LRIF1: variants seen among roughly 807,000 people sequenced by gnomAD.
LRIF1 encodes the protein ligand-dependent nuclear receptor-interacting factor 1.
Under a neutral mutation model 52.7 loss-of-function variants are expected in LRIF1, and 32 were observed. The ratio of observed to expected loss-of-function variants is 0.61; its 90% CI spans 0.46 to 0.82. The LOEUF (loss-of-function observed/expected upper bound fraction) is 0.82. LRIF1 is among the 40% of genes least tolerant of loss of function. The probability of loss-of-function intolerance (pLI) is 0.00; values close to 1 mark genes in which losing one functional copy is unlikely to be tolerated. For missense variants in LRIF1, 887 were observed against 892.0 expected (o/e 0.99, Z 0.07); for synonymous variants, 323 against 317.4 (o/e 1.02, Z -0.19).
chr1:110,888,908 A>G, the LRIF1 span, among the ~76,000 whole-genome samples: 2,427 of 152,332 alleles, frequency 0.016, 32 homozygotes, highest in Non-Finnish European at 0.025. Context: ...TGAATGTTTC[A>G]GCTTTTATGT....
chr1:110,944,050 T>G (rs564406107), downstream of LRIF1: 1 of 152,334 alleles, frequency 6.6e-6, no homozygotes, highest in South Asian at 2.1e-4. Flanking sequence ...AAAGGATCAC[T>G]CTGACTGTTT....
At chr1:110,887,415 C>A in the LRIF1 span, among the ~76,000 whole-genome samples, 2 of 152,242 alleles carry the variant, frequency 1.3e-5, no homozygotes, top group East Asian at 3.9e-4. Context: ...AATCTAACAC[C>A]TGGGTTGGTT....
intron 1 of LRIF1, among the ~76,000 whole-genome samples, chr1:110,962,245 C>T (rs1029458392): frequency 6.6e-6 from 1 of 151,994 alleles, no homozygotes; most frequent in African/African-American, 2.4e-5. Context: ...ATTCTACTTT[C>T]TCATATGTAC....
At position 110,962,680 on chromosome 1, in the gene LRIF1, T is replaced by C. The variant is rs185076168; in HGVS notation, c.68+941A>G. ...CTATTATTTACAGACTGGAAACAGG[T>C]ACCTGGCCTCACAAATGCTAACTAG... On this transcript the variant is annotated intron_variant, in intron 1 of 3. Coordinates refer to ENST00000369763, the MANE Select transcript of LRIF1 (RefSeq NM_018372.4). 5.3e-5 allele frequency among the ~76,000 whole-genome samples: 8 copies of C among 152,342 alleles called. No individual in the cohort carries two copies. In the East Asian group the frequency reaches 1.2e-3, roughly 22 times the overall value.
intron 1 of LRIF1, among the ~76,000 whole-genome samples, chr1:110,953,774 G>A (rs1658579634): frequency 6.6e-6 from 1 of 151,992 alleles, no homozygotes; most frequent in Admixed American, 6.6e-5. Context: ...ACTCTACCTA[G>A]GTACGCCTCA....
the LRIF1 span, among the ~76,000 whole-genome samples, chr1:110,926,184 A>G: frequency 6.6e-6 from 1 of 152,136 alleles, no homozygotes; most frequent in African/African-American, 2.4e-5. Flanking sequence ...AACTGGAAAT[A>G]GCCAATATAT....
At chr1:110,878,285 C>T in the LRIF1 span, among the ~76,000 whole-genome samples, 2 of 152,178 alleles carry the variant, frequency 1.3e-5, no homozygotes, top group African/African-American at 4.8e-5. Context: ...CAGATTTTCG[C>T]TCCTATTTAG....
At chr1:110,921,761 C>T in the LRIF1 span, among the ~76,000 whole-genome samples, 8 of 152,020 alleles carry the variant, frequency 5.3e-5, no homozygotes, top group Non-Finnish European at 1.2e-4. Flanking sequence ...AGACGTGCCT[C>T]CTAAAGTTCA....
downstream of LRIF1, among the ~76,000 whole-genome samples, chr1:110,942,674 G>A (rs1251599692): frequency 2.0e-5 from 3 of 152,072 alleles, no homozygotes; most frequent in East Asian, 5.8e-4. Flanking sequence ...CGAGACAAAG[G>A]AAAAATTAAG....
chr1:110,951,332 T>C lies in LRIF1; in HGVS notation c.1552A>G (p.Thr518Ala), dbSNP rs531252428. The C allele has an allele frequency of 1.1e-4, 179 of 1,614,080 alleles. No homozygotes were observed. In the South Asian group the frequency reaches 1.8e-3, roughly 17 times the overall value. The change falls in exon 2 of 4, where the codon ACT (threonine) becomes GCT (alanine). Residue 518 changes from threonine (T) to alanine (A), a missense_variant. By Grantham distance (58) the Thr-to-Ala change is moderately conservative (BLOSUM62 0). Coordinates refer to ENST00000369763, the MANE Select transcript of LRIF1 (RefSeq NM_018372.4). ...AAAACACACTGTTGTGAAGTAACAG[T>C]TGTTGCATCAACAGAGGAACTTATT... ...EKISSSVDAT[T>A]VTSQQCVFRD...
the LRIF1 span, among the ~76,000 whole-genome samples, chr1:110,883,658 A>G: frequency 6.6e-6 from 1 of 152,000 alleles, no homozygotes; most frequent in Non-Finnish European, 1.5e-5. Context: ...GAAATCATCA[A>G]TAAGACATCT....
At chr1:110,918,577 T>C in the LRIF1 span, among the ~76,000 whole-genome samples, 1 of 152,134 alleles carries the variant, frequency 6.6e-6, no homozygotes, top group Non-Finnish European at 1.5e-5. Context: ...CTGAAAATAA[T>C]AGAAATGAGG....
At position 110,950,133 on chromosome 1, in the gene LRIF1, GGAAAA is replaced by G. The variant is rs1393044366; in HGVS notation, c.1597-15_1597-11del. The stretch of plus-strand genomic sequence containing the variant: ...CCATCTCATTATGGATCTGGAATTA[GGAAAA>G]GAAAACACACAAACAATACTGCTAA... On this transcript the variant is annotated splice_polypyrimidine_tract_variant and intron_variant, in intron 2 of 3. Transcript: ENST00000369763. 2 of 1,595,586 alleles carry G rather than the reference GGAAAA, an allele frequency of 1.3e-6. No homozygotes were observed. The highest frequency in any genetic ancestry group is 1.7e-6 in the Non-Finnish European group (2 of 1,170,742).
the LRIF1 span, among the ~76,000 whole-genome samples, chr1:110,878,268 A>AT: frequency 6.6e-6 from 1 of 152,196 alleles, no homozygotes; most frequent in Non-Finnish European, 1.5e-5. Context: ...GGGAGCCCTC[A>AT]CTGGGGCAGA....
intron 3 of LRIF1, 129 bp from the exon 4 acceptor site, chr1:110,948,528 A>G (rs891005009): frequency 1.5e-6 from 2 of 1,337,682 alleles, no homozygotes; most frequent in African/African-American, 1.5e-5. Flanking sequence ...TTTATGGAAG[A>G]CAACTACAGC....
the LRIF1 span, among the ~76,000 whole-genome samples, chr1:110,922,637 T>A: frequency 6.6e-6 from 1 of 152,210 alleles, no homozygotes; most frequent in Non-Finnish European, 1.5e-5. Context: ...TAATACAAAT[T>A]GTTTTCAAAT....
intron 2 of LRIF1, 145 bp from the exon 3 acceptor site, chr1:110,950,268 C>CA: frequency 1.0e-6 from 1 of 958,382 alleles, no homozygotes; most frequent in Non-Finnish European, 1.5e-6. Flanking sequence ...TTACCACCCA[C>CA]ACTCAAAAAA....
the LRIF1 span, among the ~76,000 whole-genome samples, chr1:110,893,667 A>T: frequency 2.1e-4 from 32 of 152,348 alleles, no homozygotes; most frequent in African/African-American, 7.2e-4. Context: ...AGAATTTTTT[A>T]AAAAGTCCCT....
At chr1:110,879,392 G>A in the LRIF1 span, among the ~76,000 whole-genome samples, 2 of 152,206 alleles carry the variant, frequency 1.3e-5, no homozygotes, top group Admixed American at 6.5e-5. Context: ...AACTAGACCT[G>A]TCTGATTCCA....
Sources: allele counts gnomAD v4.1 joint callset (sites outside exome capture counted in the v4.1 genomes callset), GRCh38; gene constraint gnomAD v4.1.1; transcripts MANE v1.5; gene names NCBI Gene and HGNC (gene_info 2026-07-23, HGNC 2026-07-21).